Variants in SLC38A6 observed in about 807,000 individuals in gnomAD.
SLC38A6 encodes the protein N system amino acid transporter NAT-1.
SLC38A6 carries 73 observed loss-of-function variants against 65.0 expected under a neutral mutation model. The observed-to-expected ratio is 1.12, with a 90% CI of 0.93 to 1.37. SLC38A6 has a LOEUF of 1.37. Ranked by LOEUF, SLC38A6 falls within the 40% of genes most tolerant of loss-of-function variation. The pLI, the probability that SLC38A6 is intolerant of heterozygous loss-of-function variation, is 0.00. For synonymous variants in SLC38A6, 183 were observed against 178.8 expected (o/e 1.02, Z -0.19); for missense variants, 561 against 531.1 (o/e 1.06, Z -0.55).
chr14:61,002,037 C>T (rs2038747557), intron 3 of SLC38A6: 1 of 151,886 alleles, frequency 6.6e-6, no homozygotes, highest in Non-Finnish European at 1.5e-5. Flanking sequence ...AGGTTGAAGC[C>T]AAAAGTTGAA....
At chr14:60,988,966 G>A (rs562204782) in intron 3 of SLC38A6, among the ~76,000 whole-genome samples, 5 of 152,236 alleles carry the variant, frequency 3.3e-5, no homozygotes, top group Non-Finnish European at 7.4e-5. Context: ...CACAATTCTG[G>A]TTCACTTCTT....
At chr14:61,074,614 T>C (rs1011020433) in intron 15 of SLC38A6, among the ~76,000 whole-genome samples, 5 of 152,160 alleles carry the variant, frequency 3.3e-5, no homozygotes, top group Non-Finnish European at 5.9e-5. Flanking sequence ...AGGGCCTCAA[T>C]ATGAATTGAG....
chr14:60,997,203 T>C (rs912918268), intron 3 of SLC38A6, among the ~76,000 whole-genome samples: 1 of 152,066 alleles, frequency 6.6e-6, no homozygotes, highest in Non-Finnish European at 1.5e-5. Flanking sequence ...CTTGGCTCAC[T>C]GCAACCTCCA....
At chr14:60,987,006 AAT>A (rs1257106612) in intron 3 of SLC38A6, 5 of 386,116 alleles carry the variant, frequency 1.3e-5, no homozygotes, top group South Asian at 8.9e-5. Flanking sequence ...GTATGAAGTG[AAT>A]ATATCTGTTT....
chr14:61,025,567 G>A (rs1254010975), intron 5 of SLC38A6, among the ~76,000 whole-genome samples: 2 of 152,020 alleles, frequency 1.3e-5, no homozygotes, highest in East Asian at 1.9e-4. Flanking sequence ...ACATTTACTG[G>A]TAGTGTATCT....
At chr14:61,013,763 C>T (rs555076125) in intron 3 of SLC38A6, among the ~76,000 whole-genome samples, 2 of 152,338 alleles carry the variant, frequency 1.3e-5, no homozygotes, top group South Asian at 4.1e-4. Context: ...AGCTGTTAGT[C>T]TGATGGGCTT....
At chr14:61,069,761 T>C (rs888455582) in intron 15 of SLC38A6, among the ~76,000 whole-genome samples, 1 of 152,194 alleles carries the variant, frequency 6.6e-6, no homozygotes, top group Non-Finnish European at 1.5e-5. Context: ...GTATTCAGTT[T>C]TTGAGTGGGT....
At chr14:60,998,804 A>G (rs996601369) in intron 3 of SLC38A6, among the ~76,000 whole-genome samples, 52 of 152,296 alleles carry the variant, frequency 3.4e-4, no homozygotes, top group African/African-American at 1.1e-3. Flanking sequence ...GCCTCCTGTA[A>G]GGGGTTTGAG....
At chr14:61,083,392 T>C (rs139004805) in intron 16 of SLC38A6, among the ~76,000 whole-genome samples, 84 of 152,324 alleles carry the variant, frequency 5.5e-4, no homozygotes, top group African/African-American at 1.9e-3. Context: ...TTAGCTGTTA[T>C]GCACTCAATT....
chr14:61,028,013 C>T (rs1417146800), intron 5 of SLC38A6, among the ~76,000 whole-genome samples: 1 of 151,772 alleles, frequency 6.6e-6, no homozygotes, highest in African/African-American at 2.4e-5. Flanking sequence ...TTAAAATATA[C>T]ATGATTCTTC....
At chr14:61,026,502 T>C (rs907350400) in intron 5 of SLC38A6, among the ~76,000 whole-genome samples, 1 of 152,134 alleles carries the variant, frequency 6.6e-6, no homozygotes, top group South Asian at 2.1e-4. Context: ...TTACTAAAGC[T>C]TCTGACTAAT....
intron 3 of SLC38A6, among the ~76,000 whole-genome samples, chr14:61,008,393 G>A (rs1380021166): frequency 6.6e-6 from 1 of 152,062 alleles, no homozygotes; most frequent in Non-Finnish European, 1.5e-5. Flanking sequence ...GATTATGAAA[G>A]TACCGAGGAG....
intron 12 of SLC38A6, chr14:61,048,335 T>C: frequency 3.0e-6 from 1 of 331,192 alleles, no homozygotes; most frequent in South Asian, 2.5e-5. Flanking sequence ...TTATTTCTGC[T>C]ACTTTGTGAT....
At chr14:61,076,849 G>C (rs934594795) in intron 15 of SLC38A6, among the ~76,000 whole-genome samples, 3 of 152,208 alleles carry the variant, frequency 2.0e-5, no homozygotes, top group Non-Finnish European at 2.9e-5. Flanking sequence ...GGGTCTTCAA[G>C]TAGAGCAGGG....
At chr14:60,981,649 T>TGA (rs778239837) in intron 1 of SLC38A6, 33 of 1,437,506 alleles carry the variant, frequency 2.3e-5, no homozygotes, top group Non-Finnish European at 2.9e-5. Flanking sequence ...GCTGCGAACA[T>TGA]GATGGGATGA....
At chr14:61,035,192 G>C (rs957861827) in intron 6 of SLC38A6, among the ~76,000 whole-genome samples, 8 of 152,164 alleles carry the variant, frequency 5.3e-5, no homozygotes, top group African/African-American at 1.9e-4. Context: ...GTATGTATGT[G>C]TATACACTTA....
intron 6 of SLC38A6, among the ~76,000 whole-genome samples, chr14:61,035,273 C>T (rs2041277726): frequency 6.6e-6 from 1 of 152,142 alleles, no homozygotes; most frequent in Admixed American, 6.6e-5. Flanking sequence ...TGCATAACAT[C>T]TCTAACCTAG....
chr14:60,989,094 C>T lies in SLC38A6; in HGVS notation c.310+4291C>T, dbSNP rs184527308. Among the ~76,000 whole-genome samples, 809 of 152,220 alleles carry T rather than the reference C, an allele frequency of 5.3e-3. 4 individuals carry two copies. The highest frequency in any genetic ancestry group is 8.6e-3 in the Non-Finnish European group (584 of 68,004). On this transcript the variant is annotated intron_variant, in intron 3 of 15. Transcript: ENST00000267488. ...GATTTCACCCATAACTGATATTCTT[C>T]GCTTTCTGTTTCACTGAAAAAATAG...
intron 15 of SLC38A6, among the ~76,000 whole-genome samples, chr14:61,072,366 C>T (rs1454358466): frequency 6.6e-6 from 1 of 152,164 alleles, no homozygotes; most frequent in East Asian, 1.9e-4. Context: ...AAGCATTTAT[C>T]CTTTGTGTTA....
Sources: gnomAD v4.1 joint callset for allele counts (sites outside exome capture counted in the v4.1 genomes callset) on GRCh38, gnomAD v4.1.1 for gene constraint, MANE v1.5 for transcripts, NCBI Gene and HGNC (gene_info 2026-07-23, HGNC 2026-07-21) for gene names.